The following KLHL29 variants were observed in gnomAD, a reference collection of about 807,000 sequenced individuals.
KLHL29 encodes kelch like family member 29.
A neutral mutation model predicts 80.4 loss-of-function variants in KLHL29; 21 were observed. The ratio of observed to expected loss-of-function variants is 0.26; its 90% CI spans 0.19 to 0.38. The LOEUF is 0.38. Ranked by LOEUF, KLHL29 falls within the 10% of genes least tolerant of loss-of-function variation. KLHL29 has a pLI of 1.00. For missense variants in KLHL29, 867 were observed against 1,223.9 expected, an observed-to-expected ratio of 0.71 and a Z score of 4.35; for synonymous variants, 511 against 526.8, an observed-to-expected ratio of 0.97 and a Z score of 0.41.
chr2:23,548,791 C>G (rs1338856293), intron 2 of KLHL29, among the ~76,000 whole-genome samples: 1 of 152,216 alleles, frequency 6.6e-6, no homozygotes, highest in African/African-American at 2.4e-5. Context: ...CAGGCTGATG[C>G]AACCATCATT....
At chr2:23,435,158 A>G (rs1416171897) in intron 1 of KLHL29, among the ~76,000 whole-genome samples, 1 of 152,194 alleles carries the variant, frequency 6.6e-6, no homozygotes, top group African/African-American at 2.4e-5. Flanking sequence ...TGTGGTCTTC[A>G]GAATGGGGAC....
At position 23,402,240 on chromosome 2, in the gene KLHL29, C is replaced by G. The variant is rs964534867; in HGVS notation, c.-154+16460C>G. On this transcript the variant is annotated intron_variant, in intron 1 of 13. Coordinates refer to ENST00000486442, the MANE Select transcript of KLHL29 (RefSeq NM_052920.2). The stretch of plus-strand genomic sequence containing the variant: ...CACTGTCCCGGGTGGAAAATGCAAA[C>G]CCTGTGGATTTTCACCCTCTCAGTG... Among the ~76,000 whole-genome samples, 5 of 152,248 alleles carry G rather than the reference C, an allele frequency of 3.3e-5. No homozygotes were observed. In the East Asian group the frequency reaches 7.7e-4, roughly 24 times the overall value.
chr2:23,627,674 T>TCC (rs1420852303), intron 3 of KLHL29, among the ~76,000 whole-genome samples: 4 of 152,022 alleles, frequency 2.6e-5, no homozygotes, highest in African/African-American at 9.7e-5. Flanking sequence ...CTCTGCCGCG[T>TCC]CCCCTCTCTT....
intron 11 of KLHL29, 147 bp from the exon 12 acceptor site, chr2:23,703,039 G>A (rs1032612573): frequency 5.2e-5 from 26 of 501,010 alleles, no homozygotes; most frequent in African/African-American, 8.0e-5. Context: ...GTGTCTCATC[G>A]CAGTGCCCCC....
chr2:23,395,655 G>C (rs1666434621), intron 1 of KLHL29, among the ~76,000 whole-genome samples: 1 of 151,854 alleles, frequency 6.6e-6, no homozygotes, highest in Non-Finnish European at 1.5e-5. Flanking sequence ...TGAGACAGGA[G>C]AATCGCTTGA....
chr2:23,452,061 G>C (rs1254428383), intron 1 of KLHL29, among the ~76,000 whole-genome samples: 1 of 151,954 alleles, frequency 6.6e-6, no homozygotes, highest in Non-Finnish European at 1.5e-5. Context: ...ACCCAGTCTA[G>C]AGTGCAGTGG....
rs1303510900 is a variant in KLHL29, at chr2:23,700,804, C to A, written c.2106-2382C>A. ...ACAGAGCAGTGGCCTGCTGGAGATT[C>A]CATCCTCCATCCTTGAAGCCCTCAC... On this transcript the variant is annotated intron_variant, in intron 11 of 13. Coordinates refer to ENST00000486442, the MANE Select transcript of KLHL29 (RefSeq NM_052920.2). The surrounding 1 kb of genome is among the most constrained non-coding windows in gnomAD (Gnocchi z 4.6). Among the ~76,000 whole-genome samples, 1 of 152,184 alleles carries A rather than the reference C, an allele frequency of 6.6e-6. No homozygotes were observed. Among genetic ancestry groups the A allele is most frequent in the Non-Finnish European group, 1.5e-5 (1 of 68,026 alleles).
At chr2:23,456,895 G>A (rs1179404134) in intron 1 of KLHL29, among the ~76,000 whole-genome samples, 1 of 152,178 alleles carries the variant, frequency 6.6e-6, no homozygotes, top group African/African-American at 2.4e-5. Flanking sequence ...GTGTGCTGAC[G>A]GGGACTTGCG....
At chr2:23,491,739 G>A (rs1665109076) in intron 2 of KLHL29, among the ~76,000 whole-genome samples, 1 of 152,118 alleles carries the variant, frequency 6.6e-6, no homozygotes, top group South Asian at 2.1e-4. Context: ...TGACATGGCT[G>A]TCCACTGCCC....
chr2:23,673,111 C>T (rs1190458519), intron 5 of KLHL29, among the ~76,000 whole-genome samples: 1 of 152,144 alleles, frequency 6.6e-6, no homozygotes, highest in Non-Finnish European at 1.5e-5. Flanking sequence ...TGATCTGCAG[C>T]TTTTCCCTCT....
At chr2:23,634,486 T>G (rs1362943247) in intron 3 of KLHL29, among the ~76,000 whole-genome samples, 1 of 152,156 alleles carries the variant, frequency 6.6e-6, no homozygotes, top group East Asian at 1.9e-4. Flanking sequence ...TGGAAGCTTC[T>G]TCTCGAGGCT....
intron 5 of KLHL29, among the ~76,000 whole-genome samples, chr2:23,666,035 G>A (rs1363188828): frequency 1.3e-5 from 2 of 152,208 alleles, no homozygotes; most frequent in African/African-American, 4.8e-5. Context: ...CTCACCCCAA[G>A]TTGTAAAGTC....
intron 1 of KLHL29, among the ~76,000 whole-genome samples, chr2:23,456,462 G>A (rs946265422): frequency 1.3e-5 from 2 of 152,264 alleles, no homozygotes; most frequent in African/African-American, 4.8e-5. Flanking sequence ...TTTGGGCTAT[G>A]CTCAGGAGTG....
intron 2 of KLHL29, among the ~76,000 whole-genome samples, chr2:23,491,420 C>A (rs1234600283): frequency 6.6e-6 from 1 of 152,124 alleles, no homozygotes; most frequent in Non-Finnish European, 1.5e-5. Flanking sequence ...TGGGAAAAGG[C>A]AGAGGGAAGG....
intron 2 of KLHL29, among the ~76,000 whole-genome samples, chr2:23,557,901 A>G (rs1410262099): frequency 6.6e-6 from 1 of 152,138 alleles, no homozygotes; most frequent in Non-Finnish European, 1.5e-5. Flanking sequence ...TGCCAATTTC[A>G]GTGCCTTATC....
chr2:23,597,401 ATATATATTTTTTTTTTTTTTTTT>A (rs1668449874), intron 3 of KLHL29, among the ~76,000 whole-genome samples: 1 of 55,292 alleles, frequency 1.8e-5, no homozygotes, highest in Non-Finnish European at 3.4e-5. Context: ...ATATATATAT[ATATATATTTTTTTTTTTTTTTTT>A]TTTTTTTTTT....
At chr2:23,460,531 G>A (rs1433043320) in intron 1 of KLHL29, among the ~76,000 whole-genome samples, 1 of 152,132 alleles carries the variant, frequency 6.6e-6, no homozygotes, top group Non-Finnish European at 1.5e-5. Context: ...CCCCAAACAA[G>A]AATGGGGTGA....
At chr2:23,477,795 C>T (rs953379944) in intron 2 of KLHL29, among the ~76,000 whole-genome samples, 1 of 152,232 alleles carries the variant, frequency 6.6e-6, no homozygotes, top group South Asian at 2.1e-4. Context: ...AGATTGAGGA[C>T]GTATTCTTCA....
At chr2:23,479,860 A>G (rs1664739487) in intron 2 of KLHL29, among the ~76,000 whole-genome samples, 2 of 152,110 alleles carry the variant, frequency 1.3e-5, no homozygotes, top group South Asian at 4.1e-4. Flanking sequence ...TTTCTCTACA[A>G]GCCCGGCACA....
Sources: gnomAD v4.1 joint callset for allele counts (sites outside exome capture counted in the v4.1 genomes callset) on GRCh38, gnomAD v4.1.1 for gene constraint, Gnocchi (gnomAD v3.1) non-coding constraint, MANE v1.5 for transcripts, NCBI Gene and HGNC (gene_info 2026-07-23, HGNC 2026-07-21) for gene names.